Variants in TRAPPC10 observed in about 807,000 individuals in gnomAD.
TRAPPC10 encodes the protein TRAPP 130 kDa subunit.
In TRAPPC10, 23 loss-of-function variants were observed where a neutral mutation model predicts 125.5. The ratio of observed to expected loss-of-function variants is 0.18; its 90% confidence interval spans 0.13 to 0.26. TRAPPC10 has a LOEUF of 0.26. Among genes scored for constraint, TRAPPC10 ranks in the 10% least tolerant of loss-of-function variants. The probability of loss-of-function intolerance (pLI) is 1.00; values close to 1 mark genes in which losing one functional copy is unlikely to be tolerated. For synonymous variants in TRAPPC10, 509 were observed against 518.0 expected, an observed-to-expected ratio of 0.98 and a Z score of 0.24; for missense variants, 1,123 against 1,308.4, an observed-to-expected ratio of 0.86 and a Z score of 2.19.
intron 1 of TRAPPC10, among the ~76,000 whole-genome samples, chr21:44,025,671 A>T (rs1307303226): frequency 1.3e-5 from 2 of 152,094 alleles, no homozygotes; most frequent in Non-Finnish European, 2.9e-5. Flanking sequence ...CTGTCTTTTG[A>T]CTAGTCTTTA....
At chr21:44,072,438 AAG>A (rs566766141) in intron 7 of TRAPPC10, among the ~76,000 whole-genome samples, 70 of 152,044 alleles carry the variant, frequency 4.6e-4, no homozygotes, top group Non-Finnish European at 8.4e-4. Flanking sequence ...CCTGCTTTGT[AAG>A]AGTCTCTCGT....
intron 1 of TRAPPC10, among the ~76,000 whole-genome samples, chr21:44,020,371 C>T (rs2032375231): frequency 6.6e-6 from 1 of 152,040 alleles, no homozygotes; most frequent in Non-Finnish European, 1.5e-5. Context: ...TGTGATCTGC[C>T]CGCCTCGGCC....
At chr21:44,055,011 T>C (rs1359613645) in intron 4 of TRAPPC10, among the ~76,000 whole-genome samples, 2 of 152,186 alleles carry the variant, frequency 1.3e-5, no homozygotes, top group Non-Finnish European at 2.9e-5. Flanking sequence ...CCTTTTGTGC[T>C]GTGCTGAGAA....
At position 44,019,231 on chromosome 21, in the gene TRAPPC10, G is replaced by A. The variant is rs538699540; in HGVS notation, c.67+6671G>A. 2.6e-5 allele frequency among the ~76,000 whole-genome samples: 4 copies of A among 152,240 alleles called. No homozygotes were observed. In the East Asian group the frequency reaches 7.7e-4, roughly 29 times the overall value. On this transcript the variant is annotated intron_variant, in intron 1 of 22. Coordinates refer to ENST00000291574, the MANE Select transcript of TRAPPC10 (RefSeq NM_003274.5). ...GCCCAGTTAATTTTTTGTATTTTCAGTAGAGATGGGGTTTCGCCATGTTGC... is the reference window on the plus strand; with the variant it reads ...GCCCAGTTAATTTTTTGTATTTTCAATAGAGATGGGGTTTCGCCATGTTGC...
chr21:44,053,630 T>G (rs1202271238), intron 4 of TRAPPC10, among the ~76,000 whole-genome samples: 4 of 152,254 alleles, frequency 2.6e-5, no homozygotes, highest in Non-Finnish European at 4.4e-5. Context: ...GTGCATTTTT[T>G]GGGCTTTTGC....
chr21:44,032,327 C>T (rs1222278213), intron 2 of TRAPPC10, among the ~76,000 whole-genome samples, 155 bp downstream of exon 2: 42 of 150,872 alleles, frequency 2.8e-4, no homozygotes, highest in Admixed American at 2.8e-3. Context: ...AATGACCTCA[C>T]ATAATCTGTG....
At chr21:44,091,059 C>T (rs1396388949) in intron 18 of TRAPPC10, among the ~76,000 whole-genome samples, 3 of 152,092 alleles carry the variant, frequency 2.0e-5, no homozygotes, top group Non-Finnish European at 4.4e-5. Flanking sequence ...GGCATGGTGG[C>T]GGGCGCCTGT....
At chr21:44,066,054 G>A (rs2145944936) in intron 7 of TRAPPC10, among the ~76,000 whole-genome samples, 1 of 152,212 alleles carries the variant, frequency 6.6e-6, no homozygotes, top group South Asian at 2.1e-4. Context: ...GGATTTTTTG[G>A]TGAGAGTCAG....
intron 3 of TRAPPC10, among the ~76,000 whole-genome samples, chr21:44,039,511 A>T (rs934740794): frequency 1.3e-5 from 2 of 152,180 alleles, no homozygotes; most frequent in African/African-American, 4.8e-5. Flanking sequence ...GCTTGCTGCC[A>T]TGGTGGCGTT....
rs1569212850 is a variant in TRAPPC10, at chr21:44,084,213, A to G, written c.2330A>G (p.Gln777Arg). The change falls in exon 15 of 23, where the codon CAG becomes CGG. Residue 777 changes from glutamine (Q) to arginine (R), a missense_variant. By Grantham distance (43) the Gln-to-Arg change is conservative (BLOSUM62 1). This residue lies in a region of TRAPPC10 where 840 missense variants were observed against 902.0 expected (regional missense o/e 0.93). Transcript: ENST00000291574. ...CTCCCTCACATCTACCCCATTGTGC[A>G]GTACGACGTGTACTCACAGGAGCCC... is the stretch of plus-strand genomic sequence containing the variant. ...FVLPHIYPIVQYDVYSQEPQL... is the reference protein window; with the variant it reads ...FVLPHIYPIVRYDVYSQEPQL... 1.2e-6 allele frequency: 2 copies of G among 1,614,140 alleles called. No individual in the cohort carries two copies. Among genetic ancestry groups the G allele is most frequent in the Non-Finnish European group, 1.7e-6 (2 of 1,180,000 alleles).
Position 44,086,321 on chromosome 21 carries a change from G to C in TRAPPC10, c.2381-481G>C, listed in dbSNP as rs1292239658. ...CTGCCTCTCATTGCTGTCTTGGAGTGAGGGGGAGCCACCTGACTGCTGACT... is the reference window on the plus strand; with the variant it reads ...CTGCCTCTCATTGCTGTCTTGGAGTCAGGGGGAGCCACCTGACTGCTGACT... On this transcript the variant is annotated intron_variant, in intron 15 of 22. Coordinates refer to ENST00000291574, the MANE Select transcript of TRAPPC10 (RefSeq NM_003274.5). 6.6e-5 allele frequency among the ~76,000 whole-genome samples: 10 copies of C among 152,360 alleles called. No individual in the cohort carries two copies. In the East Asian group the frequency reaches 1.2e-3, roughly 18 times the overall value.
At position 44,060,915 on chromosome 21, in the gene TRAPPC10, T is replaced by TACATACACACACACAC. The variant is rs60633801; in HGVS notation, c.790+1704_790+1705insTACACACACACACACA. Among the ~76,000 whole-genome samples, 370 of 132,248 alleles carry TACATACACACACACAC rather than the reference T, an allele frequency of 2.8e-3. 1 individual carries two copies. Among genetic ancestry groups the TACATACACACACACAC allele is most frequent in the South Asian group, 6.0e-3 (24 of 3,972 alleles). The allele number at this position is 132,248 out of a possible 152,430, so 86.8% of individuals were successfully genotyped here. A position where few individuals can be genotyped will look rare whatever the true frequency, so the allele number is the denominator to read the frequency against. ...CATGCCCAGCCTATACATACATACA[T>TACATACACACACACAC]ACACACACACACACACACACACACA... On this transcript the variant is annotated intron_variant, in intron 6 of 22. Transcript: ENST00000291574.
At chr21:44,045,714 G>A (rs1421887430) in intron 3 of TRAPPC10, among the ~76,000 whole-genome samples, 1 of 151,950 alleles carries the variant, frequency 6.6e-6, no homozygotes, top group Non-Finnish European at 1.5e-5. Flanking sequence ...ACCATGCCCA[G>A]CTAATTTTTT....
intron 2 of TRAPPC10, among the ~76,000 whole-genome samples, chr21:44,036,321 A>G (rs1416128682): frequency 6.6e-6 from 1 of 152,238 alleles, no homozygotes. Context: ...CCCAGACCCT[A>G]GAATTCTTTA....
intron 2 of TRAPPC10, 80 bp from the exon 3 acceptor site, chr21:44,037,712 A>C: frequency 6.6e-7 from 1 of 1,504,986 alleles, no homozygotes; most frequent in Admixed American, 1.9e-5. Flanking sequence ...ATACCATTAC[A>C]TTATTTGTTG....
chr21:44,032,305 C>A, intron 2 of TRAPPC10, 133 bp downstream of exon 2: 1 of 588,648 alleles, frequency 1.7e-6, no homozygotes, highest in Admixed American at 3.5e-5. Flanking sequence ...AGCCTCAGTT[C>A]TAAAGAAACA....
Position 44,032,085 on chromosome 21 carries a change from T to A in TRAPPC10, c.68-6T>A. Reference sequence around the variant, plus strand: ...TGGTAACTGAATTTCTTTCTTCCCTTCATAGGTGCTGGAGATCAGAATTTA... The same window carrying A: ...TGGTAACTGAATTTCTTTCTTCCCTACATAGGTGCTGGAGATCAGAATTTA... On this transcript the variant is annotated splice_polypyrimidine_tract_variant and splice_region_variant and intron_variant, in intron 1 of 22. Coordinates refer to ENST00000291574, the MANE Select transcript of TRAPPC10 (RefSeq NM_003274.5). 1 of 1,610,954 alleles carries A rather than the reference T, an allele frequency of 6.2e-7. No homozygotes were observed. Among genetic ancestry groups the A allele is most frequent in the Non-Finnish European group, 8.5e-7 (1 of 1,178,470 alleles).
chr21:44,059,102 G>C lies in TRAPPC10; in HGVS notation c.679-1G>C, dbSNP rs1474750982. The C allele has an allele frequency of 6.3e-7, 1 of 1,586,780 alleles. No homozygotes were observed. Among genetic ancestry groups the C allele is most frequent in the Non-Finnish European group, 8.6e-7 (1 of 1,169,190 alleles). On this transcript the variant is annotated splice_acceptor_variant, in intron 5 of 22. Transcript: ENST00000291574. LOFTEE classifies it high-confidence loss of function. This position sits in a 1 kb window ranked among gnomAD's most constrained non-coding sequence, Gnocchi z 4.4. ...TTAAAAAACGTATCTTGGGCGAATAGGAGGAGCTTGCCTTTGTTTTCGAGA... is the reference window on the plus strand; with the variant it reads ...TTAAAAAACGTATCTTGGGCGAATACGAGGAGCTTGCCTTTGTTTTCGAGA...
chr21:44,058,458 A>C (rs2145880413), intron 5 of TRAPPC10, among the ~76,000 whole-genome samples: 1 of 152,300 alleles, frequency 6.6e-6, no homozygotes, highest in African/African-American at 2.4e-5. Context: ...GAAAGGATTT[A>C]GGAGTCTCTT....
Sources: allele counts gnomAD v4.1 joint callset (sites outside exome capture counted in the v4.1 genomes callset), GRCh38; gene constraint gnomAD v4.1.1; regional missense constraint gnomAD v4.1.1; non-coding constraint Gnocchi (gnomAD v3.1); transcripts MANE v1.5; gene names NCBI Gene and HGNC (gene_info 2026-07-23, HGNC 2026-07-21).